Variants in ZNF280C observed in about 807,000 individuals in gnomAD.
ZNF280C encodes suppressor of hairy wing homolog 3.
In ZNF280C, 14 loss-of-function variants were observed where a neutral mutation model predicts 53.6. That is an observed-to-expected ratio of 0.26 (90% confidence interval 0.17 to 0.41). The LOEUF is 0.41. Among genes scored for constraint, ZNF280C ranks in the 10% least tolerant of loss-of-function variants. The pLI, the probability that ZNF280C is intolerant of heterozygous loss-of-function variation, is 1.00. For synonymous variants in ZNF280C, 203 were observed against 181.1 expected, an observed-to-expected ratio of 1.12 and a Z score of -0.97; for missense variants, 416 against 547.1, an observed-to-expected ratio of 0.76 and a Z score of 2.39.
Position 130,239,281 on chromosome X carries a change from G to T in ZNF280C, c.493+301C>A, listed in dbSNP as rs188590169. ...TTCGCAGAGTATTTAAGGCATCAGG[G>T]GACTTCCTTGACTCACAGAAATTAT... On this transcript the variant is annotated intron_variant, in intron 6 of 18. Transcript: ENST00000370978. Among the ~76,000 whole-genome samples the T allele has an allele frequency of 3.2e-4, 35 of 111,110 alleles. 1 individual carries two copies. Among genetic ancestry groups the T allele is most frequent in the African/African-American group, 1.1e-3 (33 of 30,749 alleles).
intron 8 of ZNF280C, 96 bp from the exon 9 acceptor site, chrX:130,230,823 A>C: frequency 3.8e-6 from 2 of 531,592 alleles, no homozygotes; most frequent in Non-Finnish European, 2.9e-6. Context: ...AGATGATATA[A>C]AACTACGCTT....
intron 3 of ZNF280C, among the ~76,000 whole-genome samples, chrX:130,246,124 T>A (rs927328403): frequency 6.2e-5 from 7 of 112,341 alleles, no homozygotes; most frequent in Non-Finnish European, 1.3e-4. Flanking sequence ...ATTGTAATAA[T>A]GCCAAGTCTA....
At chrX:130,267,575 A>G (rs1469683585) in intron 1 of ZNF280C, among the ~76,000 whole-genome samples, 1 of 111,767 alleles carries the variant, frequency 8.9e-6, no homozygotes, top group Non-Finnish European at 1.9e-5. Context: ...GGGTGCTACC[A>G]ATGAAATATA....
chrX:130,260,092 C>T (rs1402736681), intron 2 of ZNF280C, among the ~76,000 whole-genome samples: 1 of 110,812 alleles, frequency 9.0e-6, no homozygotes, highest in African/African-American at 3.3e-5. Flanking sequence ...ACCATCCTGG[C>T]TAACACAGTA....
intron 2 of ZNF280C, among the ~76,000 whole-genome samples, chrX:130,257,937 C>T (rs778064321): frequency 1.8e-5 from 2 of 111,121 alleles, no homozygotes; most frequent in African/African-American, 3.3e-5. Context: ...GGTGAAATCT[C>T]GTCTCTACTA....
chrX:130,256,639 T>C (rs914662122), intron 2 of ZNF280C, among the ~76,000 whole-genome samples: 23 of 110,505 alleles, frequency 2.1e-4, no homozygotes, highest in African/African-American at 7.6e-4. Context: ...ACGACCTTAA[T>C]CCCAGCACTT....
Position 130,216,137 on chromosome X carries a change from G to T in ZNF280C, c.1528-36C>A, listed in dbSNP as rs777345621. 7 of 1,077,769 alleles carry T rather than the reference G, an allele frequency of 6.5e-6. No individual in the cohort carries two copies. In the South Asian group the frequency reaches 1.1e-4, roughly 17 times the overall value. 88.8% of individuals were successfully genotyped at this position (1,077,769 alleles called of 1,213,427 possible). ...AAAGCCAATACATATTTTTAGAAAA[G>T]TAACCATCGCATTAGTATTAAAAAT... On this transcript the variant is annotated intron_variant, in intron 13 of 18. Coordinates refer to ENST00000370978, the MANE Select transcript of ZNF280C (RefSeq NM_017666.5).
intron 8 of ZNF280C, among the ~76,000 whole-genome samples, chrX:130,234,389 G>T (rs1008475181): frequency 5.4e-5 from 6 of 111,844 alleles, no homozygotes; most frequent in Non-Finnish European, 1.1e-4. Flanking sequence ...AACAGAATTG[G>T]AAGATATCAA....
intron 13 of ZNF280C, among the ~76,000 whole-genome samples, chrX:130,218,912 T>TA (rs1023380637): frequency 1.8e-5 from 2 of 111,722 alleles, no homozygotes; most frequent in African/African-American, 6.5e-5. Flanking sequence ...GGTATCTTAT[T>TA]AATAAGGGAA....
At chrX:130,220,645 A>C (rs1169879340) in intron 12 of ZNF280C, among the ~76,000 whole-genome samples, 165 bp from the exon 13 acceptor site, 1 of 112,009 alleles carries the variant, frequency 8.9e-6, no homozygotes, top group Non-Finnish European at 1.9e-5. Flanking sequence ...TCCTTGTGTT[A>C]GTATTTGAGT....
At chrX:130,263,290 A>C (rs2032650379) in intron 1 of ZNF280C, among the ~76,000 whole-genome samples, 1 of 112,820 alleles carries the variant, frequency 8.9e-6, no homozygotes, top group Admixed American at 9.4e-5. Flanking sequence ...ATAGCCAAAA[A>C]GTGGAAACAA....
chrX:130,220,597 C>A, intron 12 of ZNF280C, 117 bp from the exon 13 acceptor site: 1 of 679,337 alleles, frequency 1.5e-6, no homozygotes, highest in Admixed American at 3.9e-5. Flanking sequence ...CCATCTCCCA[C>A]CACAGACAAT....
At chrX:130,213,540 C>T (rs1216757834) in intron 15 of ZNF280C, among the ~76,000 whole-genome samples, 3 of 112,107 alleles carry the variant, frequency 2.7e-5, no homozygotes, top group African/African-American at 9.7e-5. Context: ...CAAGACTAAG[C>T]ATGCCTGAAG....
At chrX:130,208,856 C>T (rs1603239039) in intron 16 of ZNF280C, among the ~76,000 whole-genome samples, 1 of 109,775 alleles carries the variant, frequency 9.1e-6, no homozygotes, top group Non-Finnish European at 1.9e-5. Context: ...CCACCATGCC[C>T]GGCTAATTTT....
chrX:130,238,866 C>T (rs193247568), intron 6 of ZNF280C, among the ~76,000 whole-genome samples: 9 of 110,872 alleles, frequency 8.1e-5, no homozygotes, highest in Non-Finnish European at 9.5e-5. Flanking sequence ...AAATTGTGTT[C>T]CTCTTTCCAT....
intron 2 of ZNF280C, among the ~76,000 whole-genome samples, chrX:130,255,780 C>G (rs1369462647): frequency 9.0e-6 from 1 of 111,095 alleles, no homozygotes; most frequent in East Asian, 2.9e-4. Flanking sequence ...CATGGTGAGA[C>G]GCTGTCCCTA....
chrX:130,255,461 T>C (rs1387268448), intron 2 of ZNF280C, among the ~76,000 whole-genome samples: 6 of 94,927 alleles, frequency 6.3e-5, no homozygotes, highest in South Asian at 9.7e-4. Context: ...TTCAAAGGTA[T>C]AAAATGCACC....
At chrX:130,215,370 T>C (rs185052707) in intron 14 of ZNF280C, 37 bp from the exon 15 acceptor site, 82 of 1,104,457 alleles carry the variant, frequency 7.4e-5, no homozygotes, top group Non-Finnish European at 9.0e-5. Flanking sequence ...AAAGAGATTA[T>C]AAAACAAAAA....
chrX:130,217,237 T>C (rs2032114255), intron 13 of ZNF280C, among the ~76,000 whole-genome samples: 1 of 111,601 alleles, frequency 9.0e-6, no homozygotes, highest in Non-Finnish European at 1.9e-5. Flanking sequence ...ATGTAGAATA[T>C]CTATACAGTG....
Sources: gnomAD v4.1 joint callset for allele counts (sites outside exome capture counted in the v4.1 genomes callset) on GRCh38, gnomAD v4.1.1 for gene constraint, MANE v1.5 for transcripts, NCBI Gene and HGNC (gene_info 2026-07-23, HGNC 2026-07-21) for gene names.